RASA1: variants seen among roughly 807,000 people sequenced by gnomAD.
The protein encoded by RASA1 is ras GTPase-activating protein 1.
RASA1 carries 25 observed loss-of-function variants against 132.2 expected under a neutral mutation model. That is an observed-to-expected ratio of 0.19 (90% CI 0.14 to 0.26). RASA1 has a LOEUF of 0.26. Ranked by LOEUF, RASA1 falls within the 10% of genes least tolerant of loss-of-function variation. The pLI, the probability that RASA1 is intolerant of heterozygous loss-of-function variation, is 1.00. For synonymous variants in RASA1, 477 were observed against 449.9 expected (o/e 1.06, Z -0.76); for missense variants, 964 against 1,299.2 (o/e 0.74, Z 3.97).
intron 1 of RASA1, among the ~76,000 whole-genome samples, chr5:87,303,634 A>G (rs1441709640): frequency 1.3e-5 from 2 of 152,082 alleles, no homozygotes; most frequent in African/African-American, 2.4e-5. Flanking sequence ...TTGAGAGAAC[A>G]TACTCTGAAT....
At chr5:87,294,533 C>T (rs1464734446) in intron 1 of RASA1, 1 of 152,188 alleles carries the variant, frequency 6.6e-6, no homozygotes, top group Non-Finnish European at 1.5e-5. Context: ...TATAAGTTTT[C>T]CTCCAAGCAC....
At chr5:87,319,394 G>A (rs1352569277) in intron 1 of RASA1, among the ~76,000 whole-genome samples, 1 of 152,242 alleles carries the variant, frequency 6.6e-6, no homozygotes, top group Non-Finnish European at 1.5e-5. Flanking sequence ...CTGTAGCGGA[G>A]TCCTGCCTGG....
Position 87,267,927 on chromosome 5 carries a change from C to G in RASA1, c.-525C>G, listed in dbSNP as rs1181957902. On this transcript the variant is annotated 5_prime_UTR_variant, in exon 1 of 25. Transcript: ENST00000274376. Reference sequence around the variant, plus strand: ...TAGTGAGCAGTTCAGTCGATTTCCTCGTTACCCCGCCCCCCTTTCTCTTGC... The same window carrying G: ...TAGTGAGCAGTTCAGTCGATTTCCTGGTTACCCCGCCCCCCTTTCTCTTGC... 2 of 393,672 alleles carry G rather than the reference C, an allele frequency of 5.1e-6. No homozygotes were observed. The highest frequency in any genetic ancestry group is 7.4e-5 in the East Asian group (2 of 27,048). The allele number at this position is 393,672 out of a possible 1,614,324, so 24.4% of individuals were successfully genotyped here. A position where few individuals can be genotyped will look rare whatever the true frequency, so the allele number is the denominator to read the frequency against.
chr5:87,352,505 A>T (rs1273928136), intron 8 of RASA1, among the ~76,000 whole-genome samples: 1 of 151,842 alleles, frequency 6.6e-6, no homozygotes, highest in Admixed American at 6.6e-5. Context: ...ATTTAAAAAA[A>T]TACGTGGTTC....
intron 1 of RASA1, among the ~76,000 whole-genome samples, chr5:87,326,474 AAGCTAGCTGGGAAGACATGT>A (rs1248441090): frequency 1.4e-4 from 22 of 152,316 alleles, no homozygotes; most frequent in Non-Finnish European, 1.5e-5. Flanking sequence ...AAAATTTACA[AAGCTAGCTGGGAAGACATGT>A]ATGTACTTCT....
chr5:87,371,622 A>G (rs111780271), intron 12 of RASA1, among the ~76,000 whole-genome samples: 1 of 152,040 alleles, frequency 6.6e-6, no homozygotes, highest in Non-Finnish European at 1.5e-5. Flanking sequence ...ATACATTTCT[A>G]CCTGTATCAT....
rs1372366370 is a variant in RASA1 at position 87,376,834 on chromosome 5, C to G, written c.2185-47C>G. On this transcript the variant is annotated intron_variant, in intron 16 of 24. Transcript: ENST00000274376. ...TTTCTTGTTAGTCTCATGGAGCATG[C>G]TTATAATGCTACGTACTTTAAACAA... 4 of 1,523,638 alleles carry G rather than the reference C, an allele frequency of 2.6e-6. No homozygotes were observed. The African/African-American group carries it at 5.5e-5, about 21-fold the overall frequency. 94.4% of individuals were successfully genotyped at this position (1,523,638 alleles called of 1,614,324 possible).
rs143332687 is a variant in RASA1 at position 87,305,543 on chromosome 5, A to G, written c.540-25805A>G. Among the ~76,000 whole-genome samples the G allele has an allele frequency of 4.2e-3, 644 of 152,350 alleles. 7 individuals carry two copies. Among genetic ancestry groups the G allele is most frequent in the African/African-American group, 0.015 (613 of 41,576 alleles). On this transcript the variant is annotated intron_variant, in intron 1 of 24. Transcript: ENST00000274376. The stretch of plus-strand genomic sequence containing the variant: ...CATACTATAAAAACCCTGGAAGACA[A>G]CATAGGCAGTACCATTCAGGACATA...
At chr5:87,287,543 TAC>T (rs1754685648) in intron 1 of RASA1, among the ~76,000 whole-genome samples, 1 of 145,752 alleles carries the variant, frequency 6.9e-6, no homozygotes, top group African/African-American at 2.6e-5. Context: ...ATACCATATA[TAC>T]ACACCATATA....
intron 1 of RASA1, chr5:87,269,266 G>C (rs1207651675): frequency 6.5e-7 from 1 of 1,538,044 alleles, no homozygotes; most frequent in African/African-American, 1.4e-5. Flanking sequence ...ACCGGATATA[G>C]TTCTGTCCCT....
chr5:87,289,095 G>T (rs750416614), intron 1 of RASA1, among the ~76,000 whole-genome samples: 174 of 151,790 alleles, frequency 1.1e-3, no homozygotes, highest in Non-Finnish European at 1.5e-3. Context: ...ATCTAGAACA[G>T]TCCTTTTTGC....
At chr5:87,307,215 T>C (rs1755658459) in intron 1 of RASA1, among the ~76,000 whole-genome samples, 1 of 152,204 alleles carries the variant, frequency 6.6e-6, no homozygotes, top group Non-Finnish European at 1.5e-5. Flanking sequence ...TTTTGTATTC[T>C]TTTCTGTATT....
chr5:87,313,826 A>G (rs1284001525), intron 1 of RASA1, among the ~76,000 whole-genome samples: 7 of 152,212 alleles, frequency 4.6e-5, no homozygotes, highest in Admixed American at 3.9e-4. Context: ...AGGGATGGCA[A>G]TAAGGACATT....
chr5:87,290,963 GATAA>G (rs1754888889), intron 1 of RASA1, among the ~76,000 whole-genome samples: 1 of 152,142 alleles, frequency 6.6e-6, no homozygotes, highest in Non-Finnish European at 1.5e-5. Context: ...AATTTATTGG[GATAA>G]ATAACAAGAA....
At chr5:87,366,772 C>A (rs1285561544) in intron 11 of RASA1, among the ~76,000 whole-genome samples, 7 of 152,246 alleles carry the variant, frequency 4.6e-5, no homozygotes, top group Non-Finnish European at 1.0e-4. Context: ...TGGCTCACGC[C>A]TGTAATCCCA....
intron 1 of RASA1, among the ~76,000 whole-genome samples, chr5:87,279,652 C>G (rs1561251668): frequency 6.6e-6 from 1 of 152,202 alleles, no homozygotes; most frequent in Non-Finnish European, 1.5e-5. Context: ...TTCTCTGTGT[C>G]TTAACCAGCA....
chr5:87,287,790 CAT>C, intron 1 of RASA1, among the ~76,000 whole-genome samples: 3 of 142,834 alleles, frequency 2.1e-5, no homozygotes, highest in Non-Finnish European at 4.6e-5. Flanking sequence ...ATGTACACGC[CAT>C]ATATATACAC....
chr5:87,340,891 A>G (rs745658640), intron 5 of RASA1, among the ~76,000 whole-genome samples: 3 of 152,164 alleles, frequency 2.0e-5, no homozygotes, highest in Non-Finnish European at 4.4e-5. Context: ...GAGACAGGAA[A>G]TGTAGACTTG....
chr5:87,287,170 CACACCATATATATAT>C (rs1754635240), intron 1 of RASA1, among the ~76,000 whole-genome samples: 1 of 141,790 alleles, frequency 7.1e-6, no homozygotes, highest in African/African-American at 2.6e-5. Flanking sequence ...TGTATATATA[CACACCATATATATAT>C]ACACACCGTA....
Sources: allele counts gnomAD v4.1 joint callset (sites outside exome capture counted in the v4.1 genomes callset), GRCh38; gene constraint gnomAD v4.1.1; transcripts MANE v1.5; gene names NCBI Gene and HGNC (gene_info 2026-07-23, HGNC 2026-07-21).